The following RGS3 variants were observed in gnomAD, a reference collection of about 807,000 sequenced individuals.
RGS3 encodes regulator of G protein signaling 3, also known as regulator of G-protein signalling 3.
RGS3 carries 80 observed loss-of-function variants against 132.6 expected under a neutral mutation model. That is an observed-to-expected ratio of 0.60 (90% CI 0.50 to 0.73). The LOEUF is 0.73. Ranked by LOEUF, RGS3 falls within the 30% of genes least tolerant of loss-of-function variation. The probability of loss-of-function intolerance (pLI) is 0.00; values close to 1 mark genes in which losing one functional copy is unlikely to be tolerated. For missense variants in RGS3, 1,382 were observed against 1,530.8 expected (o/e 0.90, Z 1.62); for synonymous variants, 598 against 620.6 (o/e 0.96, Z 0.54).
chr9:113,472,638 C>T (rs540820184), intron 3 of RGS3, among the ~76,000 whole-genome samples: 6 of 152,236 alleles, frequency 3.9e-5, no homozygotes, highest in African/African-American at 1.4e-4. Flanking sequence ...TAGGGTGTGA[C>T]TGCGAAAGAG....
At chr9:113,480,639 T>C (rs2119215060) in intron 4 of RGS3, among the ~76,000 whole-genome samples, 1 of 152,192 alleles carries the variant, frequency 6.6e-6, no homozygotes, top group South Asian at 2.1e-4. Flanking sequence ...GAAGGAGGAA[T>C]GGGCCTGAGC....
At chr9:113,541,492 C>A in intron 19 of RGS3, 1 of 1,583,346 alleles carries the variant, frequency 6.3e-7, no homozygotes, top group South Asian at 1.2e-5. Context: ...CCCTACCACA[C>A]AGTAACCTCA....
At chr9:113,502,510 C>T (rs969379758) in intron 10 of RGS3, among the ~76,000 whole-genome samples, 1 of 152,242 alleles carries the variant, frequency 6.6e-6, no homozygotes, top group East Asian at 1.9e-4. Context: ...CTAGCCCTCC[C>T]CCGCTCTCAG....
chr9:113,594,129 A>G, intron 21 of RGS3: 2 of 1,612,988 alleles, frequency 1.2e-6, no homozygotes, highest in Non-Finnish European at 1.7e-6. Context: ...CTGGGAGTCC[A>G]GTCATCAGGC....
chr9:113,583,765 G>T, exon 20 of RGS3: 1 of 1,614,088 alleles, frequency 6.2e-7, no homozygotes, highest in Non-Finnish European at 8.5e-7. Context: ...CCTACCTGCT[G>T]GTCAAGAACC....
chr9:113,501,385 C>G (rs1268444510), intron 10 of RGS3: 2 of 1,394,584 alleles, frequency 1.4e-6, no homozygotes, highest in Non-Finnish European at 1.9e-6. Flanking sequence ...TTTCAGGAAG[C>G]CTTCGGGCTT....
chr9:113,463,608 T>G lies in RGS3; in HGVS notation c.415+1407T>G. The stretch of plus-strand genomic sequence containing the variant: ...CGCCTCCCCCACCCCGGCCCAGCTC[T>G]GCTCCGGCAGGTGGAACTCTCCCCA... On this transcript the variant is annotated intron_variant, in intron 3 of 24. Coordinates refer to ENST00000350696, the Ensembl canonical transcript of RGS3. This position sits in a 1 kb window ranked among gnomAD's most constrained non-coding sequence, Gnocchi z 4.6. The G allele has an allele frequency of 2.6e-6, 2 of 776,084 alleles. No homozygotes were observed. The highest frequency in any genetic ancestry group is 2.2e-5 in the South Asian group (1 of 45,252). The allele number at this position is 776,084 out of a possible 1,614,324, so 48.1% of individuals were successfully genotyped here. A position where few individuals can be genotyped will look rare whatever the true frequency, so the allele number is the denominator to read the frequency against.
At chr9:113,595,577 C>T in intron 23 of RGS3, 22 bp from the exon 22 acceptor site, 1 of 1,610,524 alleles carries the variant, frequency 6.2e-7, no homozygotes, top group Non-Finnish European at 8.5e-7. Flanking sequence ...GCCTCTTACC[C>T]CAGGATCCGT....
At chr9:113,466,627 A>T (rs1829654091) in intron 3 of RGS3, among the ~76,000 whole-genome samples, 1 of 152,168 alleles carries the variant, frequency 6.6e-6, no homozygotes, top group African/African-American at 2.4e-5. Context: ...GTGAAAAATG[A>T]TGTAATTTGA....
intron 3 of RGS3, among the ~76,000 whole-genome samples, chr9:113,464,272 G>A (rs1410691100): frequency 6.6e-6 from 1 of 152,234 alleles, no homozygotes; most frequent in African/African-American, 2.4e-5. Context: ...TTTGGCTCAG[G>A]GAGCGGACAG....
At chr9:113,478,606 T>C (rs967453046) in intron 3 of RGS3, among the ~76,000 whole-genome samples, 7 of 152,092 alleles carry the variant, frequency 4.6e-5, no homozygotes, top group African/African-American at 1.4e-4. Context: ...CCCAGGAGTT[T>C]GAGACCAAGC....
At chr9:113,539,947 C>T (rs1167559931) in intron 19 of RGS3, among the ~76,000 whole-genome samples, 1 of 152,244 alleles carries the variant, frequency 6.6e-6, no homozygotes, top group East Asian at 1.9e-4. Context: ...GTCAGTAGTC[C>T]CATCTGGGCA....
chr9:113,488,209 C>T (rs928069320), intron 7 of RGS3, among the ~76,000 whole-genome samples: 14 of 152,166 alleles, frequency 9.2e-5, no homozygotes, highest in Non-Finnish European at 7.3e-5. Context: ...TCAAGGGTAA[C>T]TCCTGGGCGG....
At chr9:113,480,213 C>A (rs1297545348) in intron 4 of RGS3, among the ~76,000 whole-genome samples, 2 of 152,142 alleles carry the variant, frequency 1.3e-5, no homozygotes, top group Non-Finnish European at 2.9e-5. Context: ...AAACCCAGCA[C>A]TTTGGGAGGC....
At chr9:113,553,237 T>C (rs1227856062) in intron 19 of RGS3, among the ~76,000 whole-genome samples, 1 of 148,716 alleles carries the variant, frequency 6.7e-6, no homozygotes, top group African/African-American at 2.5e-5. Flanking sequence ...AGTCCAGGAG[T>C]TGAAGACAAG....
chr9:113,584,082 G>T, exon 20 of RGS3: 2 of 1,614,184 alleles, frequency 1.2e-6, no homozygotes, highest in Non-Finnish European at 1.7e-6. Flanking sequence ...AGGTGGAGGA[G>T]GGGGAGGAAG....
chr9:113,472,078 A>G (rs1321445975), intron 3 of RGS3, among the ~76,000 whole-genome samples: 1 of 152,206 alleles, frequency 6.6e-6, no homozygotes, highest in East Asian at 1.9e-4. Flanking sequence ...ATGAGATACT[A>G]TCATACTAGA....
intron 7 of RGS3, among the ~76,000 whole-genome samples, chr9:113,495,113 G>C (rs2119270939): frequency 6.6e-6 from 1 of 152,270 alleles, no homozygotes; most frequent in Middle Eastern, 3.4e-3. Flanking sequence ...GACCTCAAGT[G>C]ATCTGCCTGC....
At position 113,584,389 on chromosome 9, in the gene RGS3, A is replaced by G. The variant is rs1835012517; in HGVS notation, c.2977A>G (p.Met993Val). The G allele has an allele frequency of 5.2e-6, 8 of 1,536,736 alleles. No homozygotes were observed. In the African/African-American group the frequency reaches 6.8e-5, roughly 13 times the overall value. ...AGAGCTGGGCCGCAATGGTGGCTCC[A>G]TGCACCACCTTTCCCTCTTCTTCAC... The change falls in exon 20 of 25, where the codon ATG (methionine) becomes GTG (valine). Residue 993 changes from methionine (M) to valine (V), a missense_variant. Met to Val is a conservative substitution (Grantham distance 21). Coordinates refer to ENST00000350696, the Ensembl canonical transcript of RGS3.
Sources: gnomAD v4.1 joint callset for allele counts (sites outside exome capture counted in the v4.1 genomes callset) on GRCh38, gnomAD v4.1.1 for gene constraint, Gnocchi (gnomAD v3.1) non-coding constraint, MANE v1.5 for transcripts, NCBI Gene and HGNC (gene_info 2026-07-23, HGNC 2026-07-21) for gene names.